NAALADL2: variants seen among roughly 807,000 people sequenced by gnomAD.
NAALADL2 encodes inactive N-acetylated-alpha-linked acidic dipeptidase-like protein 2.
A neutral mutation model predicts 87.2 loss-of-function variants in NAALADL2; 76 were observed. The ratio of observed to expected loss-of-function variants is 0.87; its 90% CI spans 0.72 to 1.05. The LOEUF (loss-of-function observed/expected upper bound fraction) is 1.05, where lower values mean the gene tolerates loss of function less well. NAALADL2 is among the 50% of genes least tolerant of loss of function. The probability of loss-of-function intolerance (pLI) is 0.00; values close to 1 mark genes in which losing one functional copy is unlikely to be tolerated. For missense variants in NAALADL2, 1,089 were observed against 945.8 expected (o/e 1.15, Z -1.99); for synonymous variants, 354 against 331.0 (o/e 1.07, Z -0.75).
chr3:175,724,262 G>T (rs910663036), intron 11 of NAALADL2, among the ~76,000 whole-genome samples: 3 of 152,134 alleles, frequency 2.0e-5, no homozygotes, highest in African/African-American at 7.2e-5. Flanking sequence ...TGGGATATTG[G>T]AGAAGCAAGG....
chr3:175,163,782 G>T (rs1032305051), intron 2 of NAALADL2, among the ~76,000 whole-genome samples: 2 of 152,132 alleles, frequency 1.3e-5, no homozygotes, highest in Non-Finnish European at 2.9e-5. Flanking sequence ...TGCACCTTTT[G>T]GTTTGTACAA....
At chr3:174,496,509 AT>A (rs1172679829) in intron 1 of NAALADL2, among the ~76,000 whole-genome samples, 9 of 77,794 alleles carry the variant, frequency 1.2e-4, no homozygotes, top group African/African-American at 3.3e-4. Flanking sequence ...ATATTTATAT[AT>A]TATATATATA....
chr3:175,066,601 A>T (rs1483517698), intron 1 of NAALADL2, among the ~76,000 whole-genome samples: 2 of 152,120 alleles, frequency 1.3e-5, no homozygotes, highest in African/African-American at 2.4e-5. Context: ...GCTTATGGTG[A>T]GGTGGGATTG....
chr3:175,442,209 T>C (rs1009750951), intron 5 of NAALADL2, among the ~76,000 whole-genome samples: 7 of 152,140 alleles, frequency 4.6e-5, no homozygotes, highest in Admixed American at 2.6e-4. Context: ...CCTCTCAAAG[T>C]GCTTGGATTA....
intron 9 of NAALADL2, among the ~76,000 whole-genome samples, chr3:175,541,778 A>G (rs981412189): frequency 1.3e-5 from 2 of 152,110 alleles, no homozygotes; most frequent in African/African-American, 2.4e-5. Flanking sequence ...GCTAGAGTGC[A>G]GTGGCATGAT....
intron 4 of NAALADL2, among the ~76,000 whole-genome samples, chr3:175,283,216 G>T (rs925863879): frequency 7.2e-5 from 11 of 151,936 alleles, no homozygotes; most frequent in African/African-American, 2.7e-4. Flanking sequence ...AAGACTGCAC[G>T]GTCACCTCTT....
intron 3 of NAALADL2, among the ~76,000 whole-genome samples, chr3:175,248,406 G>A (rs1298176487): frequency 6.6e-6 from 1 of 152,078 alleles, no homozygotes; most frequent in Non-Finnish European, 1.5e-5. Context: ...GGTAGTTCTG[G>A]ATCACTCAAT....
chr3:175,759,059 C>G (rs1747644663), intron 13 of NAALADL2, among the ~76,000 whole-genome samples: 2 of 152,014 alleles, frequency 1.3e-5, no homozygotes, highest in Non-Finnish European at 2.9e-5. Flanking sequence ...GAATAATATT[C>G]CCAATGATCT....
intron 3 of NAALADL2, among the ~76,000 whole-genome samples, chr3:174,852,224 C>CAATT (rs1488126085): frequency 6.6e-6 from 1 of 151,872 alleles, no homozygotes; most frequent in Non-Finnish European, 1.5e-5. Flanking sequence ...CTTGCCAGAA[C>CAATT]AATTAGACAA....
intron 1 of NAALADL2, among the ~76,000 whole-genome samples, chr3:174,544,808 A>C (rs1214896012): frequency 6.6e-6 from 1 of 151,730 alleles, no homozygotes; most frequent in East Asian, 1.9e-4. Flanking sequence ...TGACATTCTT[A>C]TCTGCCTGCC....
chr3:174,858,560 G>A (rs975124538), upstream of NAALADL2, among the ~76,000 whole-genome samples: 1 of 151,858 alleles, frequency 6.6e-6, no homozygotes, highest in Non-Finnish European at 1.5e-5. Flanking sequence ...AGGTTGAACA[G>A]TTTTTTTCAG....
chr3:175,716,660 T>C (rs1561025503), intron 11 of NAALADL2, among the ~76,000 whole-genome samples: 3 of 152,070 alleles, frequency 2.0e-5, no homozygotes, highest in Non-Finnish European at 4.4e-5. Flanking sequence ...AGAGGGAAAG[T>C]GGCTCAAAGT....
rs539281356 is a variant in NAALADL2, at chr3:175,220,915, G to A, written c.546-13016G>A. Among the ~76,000 whole-genome samples the A allele has an allele frequency of 2.0e-5, 3 of 152,158 alleles. No homozygotes were observed. In the South Asian group the frequency reaches 6.2e-4, roughly 32 times the overall value. ...TATCATTCATTTCAAGATATTTTAG[G>A]CTGGGCGTGGTGGCTCAAGCCTGTA... On this transcript the variant is annotated intron_variant, in intron 2 of 13. Transcript: ENST00000454872.
At chr3:174,629,777 G>A (rs1021225535) in intron 2 of NAALADL2, among the ~76,000 whole-genome samples, 20 of 152,250 alleles carry the variant, frequency 1.3e-4, no homozygotes, top group African/African-American at 4.3e-4. Context: ...ACCTACGTAT[G>A]TATGCGTATG....
intron 13 of NAALADL2, among the ~76,000 whole-genome samples, chr3:175,794,293 ATTGAGT>A (rs938658315): frequency 8.5e-5 from 13 of 152,124 alleles, no homozygotes; most frequent in African/African-American, 3.1e-4. Context: ...TTATCTAAAT[ATTGAGT>A]TTGAGTTCAT....
intron 2 of NAALADL2, among the ~76,000 whole-genome samples, chr3:175,216,221 T>C (rs1451758352): frequency 1.3e-5 from 2 of 152,106 alleles, no homozygotes; most frequent in Non-Finnish European, 2.9e-5. Context: ...GTACCGTGAT[T>C]CCCCCTTCCC....
rs142039931 is a variant in NAALADL2, at chr3:175,043,622, T to G, written c.44-53168T>G. 2.7e-3 allele frequency among the ~76,000 whole-genome samples: 413 copies of G among 152,318 alleles called. 1 individual carries two copies. The highest frequency in any genetic ancestry group is 9.2e-3 in the African/African-American group (382 of 41,584). Reference sequence around the variant, plus strand: ...TGGATATCTGTTTTCTCAACACCATTTATTGAAGAGGCTATCATTTCCACA... The same window carrying G: ...TGGATATCTGTTTTCTCAACACCATGTATTGAAGAGGCTATCATTTCCACA... On this transcript the variant is annotated intron_variant, in intron 1 of 13. Transcript: ENST00000454872.
At chr3:175,314,476 TAAAG>T (rs1210633486) in intron 4 of NAALADL2, among the ~76,000 whole-genome samples, 2 of 146,908 alleles carry the variant, frequency 1.4e-5, no homozygotes, top group African/African-American at 5.0e-5. Flanking sequence ...TACAGAAGGA[TAAAG>T]AGAGAACATA....
chr3:174,624,088 G>A (rs1257399371), intron 2 of NAALADL2, among the ~76,000 whole-genome samples: 1 of 151,930 alleles, frequency 6.6e-6, no homozygotes, highest in South Asian at 2.1e-4. Flanking sequence ...ATTTTAAAAT[G>A]TTTTACATTT....
Sources: gnomAD v4.1 joint callset for allele counts (sites outside exome capture counted in the v4.1 genomes callset) on GRCh38, gnomAD v4.1.1 for gene constraint, MANE v1.5 for transcripts, NCBI Gene and HGNC (gene_info 2026-07-23, HGNC 2026-07-21) for gene names.